MTMR4: variants seen among roughly 807,000 people sequenced by gnomAD.
MTMR4 encodes phosphatidylinositol-3,5-bisphosphate 3-phosphatase MTMR4.
Under a neutral mutation model 125.5 loss-of-function variants are expected in MTMR4, and 30 were observed. The observed-to-expected ratio is 0.24, with a 90% CI of 0.18 to 0.32. The LOEUF (loss-of-function observed/expected upper bound fraction) is 0.32. MTMR4 is among the 10% of genes least tolerant of loss of function. MTMR4 has a pLI of 1.00. For missense variants in MTMR4, 1,039 were observed against 1,511.5 expected (o/e 0.69, Z 5.18); for synonymous variants, 498 against 564.5 (o/e 0.88, Z 1.67).
Position 58,504,559 on chromosome 17 carries a change from G to A in MTMR4, c.1342-71C>T. 1.3e-6 allele frequency: 2 copies of A among 1,521,294 alleles called. No individual in the cohort carries two copies. The highest frequency in any genetic ancestry group is 1.8e-6 in the Non-Finnish European group (2 of 1,127,334). The allele number at this position is 1,521,294 out of a possible 1,614,324, so 94.2% of individuals were successfully genotyped here. On this transcript the variant is annotated intron_variant, in intron 11 of 17. Transcript: ENST00000682306. The surrounding 1 kb of genome is among the most constrained non-coding windows in gnomAD (Gnocchi z 7.1). ...CTGATGTGCTACTCCCCTGGGAACT[G>A]CCCAAAGCAGGAAGCTGGCAGCTTC...
chr17:58,507,842 T>A (rs1258833276), intron 7 of MTMR4: 1 of 240,830 alleles, frequency 4.2e-6, no homozygotes, highest in Non-Finnish European at 8.1e-6. Context: ...TATAATAGGC[T>A]ATAAGCCAGA....
In MTMR4 at chr17:58,512,274, C is replaced by A; in HGVS notation, c.252+116G>T. 1 of 898,054 alleles carries A rather than the reference C, an allele frequency of 1.1e-6. No homozygotes were observed. The highest frequency in any genetic ancestry group is 1.8e-5 in the Admixed American group (1 of 54,618). The allele number at this position is 898,054 out of a possible 1,614,324, so 55.6% of individuals were successfully genotyped here. Reference sequence around the variant, plus strand: ...GTGCTGGGATTACAGGCGTGAGCCACTGCGCCCGGCCTCCAACTTTTTTAA... The same window carrying A: ...GTGCTGGGATTACAGGCGTGAGCCAATGCGCCCGGCCTCCAACTTTTTTAA... On this transcript the variant is annotated intron_variant, in intron 3 of 17. Transcript: ENST00000682306. The surrounding 1 kb of genome is among the most constrained non-coding windows in gnomAD (Gnocchi z 4.1).
At chr17:58,514,673 G>A, upstream of MTMR4, 1 of 985,240 alleles carries the variant, frequency 1.0e-6, no homozygotes, top group South Asian at 4.7e-5. Context: ...ACCGCGGCGG[G>A]AAGGCGGAGG....
chr17:58,491,529 C>A lies in MTMR4; in HGVS notation c.*134G>T. The A allele has an allele frequency of 1.1e-6, 1 of 916,928 alleles. No individual in the cohort carries two copies. Among genetic ancestry groups the A allele is most frequent in the Non-Finnish European group, 1.6e-6 (1 of 618,778 alleles). The allele number at this position is 916,928 out of a possible 1,614,324, so 56.8% of individuals were successfully genotyped here. A position where few individuals can be genotyped will look rare whatever the true frequency, so the allele number is the denominator to read the frequency against. On this transcript the variant is annotated 3_prime_UTR_variant, in exon 18 of 18. Coordinates refer to ENST00000682306, the MANE Select transcript of MTMR4 (RefSeq NM_001378067.1). Reference sequence around the variant, plus strand: ...ATTCCTCTGCTCCAGTTTCATGATACCAAGGAGGATTTCTCAAGATGGTAT... The same window carrying A: ...ATTCCTCTGCTCCAGTTTCATGATAACAAGGAGGATTTCTCAAGATGGTAT...
At position 58,504,298 on chromosome 17, in the gene MTMR4, C is replaced by T. The variant is rs1176987545; in HGVS notation, c.1527+5G>A. The T allele has an allele frequency of 3.1e-6, 5 of 1,613,102 alleles. No individual in the cohort carries two copies. The highest frequency in any genetic ancestry group is 1.3e-5 in the African/African-American group (1 of 74,880). On this transcript the variant is annotated splice_donor_5th_base_variant and intron_variant, in intron 12 of 17. Coordinates refer to ENST00000682306, the MANE Select transcript of MTMR4 (RefSeq NM_001378067.1). The surrounding 1 kb of genome is among the most constrained non-coding windows in gnomAD (Gnocchi z 7.1). ...ATCCCTGTTGTCACAGGCCTTAGGACTTACCAGGAATGCTTCATTAAATTC... is the reference window on the plus strand; with the variant it reads ...ATCCCTGTTGTCACAGGCCTTAGGATTTACCAGGAATGCTTCATTAAATTC...
In MTMR4 at chr17:58,508,271, C is replaced by T. The variant is rs767933425; in HGVS notation, c.597G>A (p.Leu199=). 27 of 1,613,760 alleles carry T rather than the reference C, an allele frequency of 1.7e-5. No homozygotes were observed. The South Asian group carries it at 2.9e-4, about 17-fold the overall frequency. Residue 199 remains leucine, a synonymous_variant, in exon 7 of 18, where the codon TTG becomes TTA. Transcript: ENST00000682306. This position sits in a 1 kb window ranked among gnomAD's most constrained non-coding sequence, Gnocchi z 4.8. ...GCAGCTTCTGGGGGTAACTGGGGCA[C>T]AATCTGAGAAGAGACCAGGTGGGGG... is the stretch of plus-strand genomic sequence containing the variant. ...RVSHINSNYK[L]CPSYPQKLLV...
At chr17:58,509,276 C>A (rs749959450) in intron 4 of MTMR4, among the ~76,000 whole-genome samples, 1 of 151,486 alleles carries the variant, frequency 6.6e-6, no homozygotes, top group Non-Finnish European at 1.5e-5. Flanking sequence ...ATAATGTCTC[C>A]TCTCTGCCTA....
chr17:58,507,797 A>T (rs1401859010), intron 7 of MTMR4, among the ~76,000 whole-genome samples: 1 of 152,160 alleles, frequency 6.6e-6, no homozygotes, highest in South Asian at 2.1e-4. Context: ...CCCTTTAAAA[A>T]TGTAAAAACC....
Position 58,508,353 on chromosome 17 carries a change from G to T in MTMR4, c.594-79C>A. On this transcript the variant is annotated intron_variant, in intron 6 of 17. Transcript: ENST00000682306. The surrounding 1 kb of genome is among the most constrained non-coding windows in gnomAD (Gnocchi z 4.8). ...AGGATCCCTGGGGATGGCTTTGTGG[G>T]AAGAGAAACCATGAGCCTTCCTCCC... 1.3e-6 allele frequency: 2 copies of T among 1,551,806 alleles called. No homozygotes were observed. Among genetic ancestry groups the T allele is most frequent in the Non-Finnish European group, 1.8e-6 (2 of 1,123,902 alleles).
intron 7 of MTMR4, among the ~76,000 whole-genome samples, chr17:58,507,760 ATTC>A (rs1157140007): frequency 2.0e-5 from 3 of 152,152 alleles, no homozygotes; most frequent in Non-Finnish European, 4.4e-5. Flanking sequence ...TCTGTCATGT[ATTC>A]TTCTTTGCTT....
rs150734978 is a variant in MTMR4, at chr17:58,489,584, T to C, written c.*2079A>G. On this transcript the variant is annotated 3_prime_UTR_variant, in exon 18 of 18. Coordinates refer to ENST00000682306, the MANE Select transcript of MTMR4 (RefSeq NM_001378067.1). ...AACTGTATTGAATTTTTACAGCACATTGCATGTTTGTCACAACGCAACTGC... is the reference window on the plus strand; with the variant it reads ...AACTGTATTGAATTTTTACAGCACACTGCATGTTTGTCACAACGCAACTGC... 1 of 152,324 alleles carries C rather than the reference T, an allele frequency of 6.6e-6. No homozygotes were observed. The highest frequency in any genetic ancestry group is 2.4e-5 in the African/African-American group (1 of 41,574). 9.4% of individuals were successfully genotyped at this position (152,324 alleles called of 1,614,324 possible).
At chr17:58,491,891 C>A in intron 17 of MTMR4, 51 bp from the exon 18 acceptor site, 1 of 1,567,430 alleles carries the variant, frequency 6.4e-7, no homozygotes, top group South Asian at 1.2e-5. Context: ...AATATACTGG[C>A]CAGGCAGGGT....
At position 58,505,340 on chromosome 17, in the gene MTMR4, C is replaced by A. The variant is rs754161531; in HGVS notation, c.1145+132G>T. On this transcript the variant is annotated intron_variant, in intron 10 of 17. Coordinates refer to ENST00000682306, the MANE Select transcript of MTMR4 (RefSeq NM_001378067.1). ...TGGAAGGGTTCTTGGAACTAGCCCA[C>A]GGCACCCAACTCCACCCAGGCCCTC... 4 of 721,496 alleles carry A rather than the reference C, an allele frequency of 5.5e-6. No homozygotes were observed. The Admixed American group carries it at 7.4e-5, about 13-fold the overall frequency. 44.7% of individuals were successfully genotyped at this position (721,496 alleles called of 1,614,324 possible).
Position 58,491,507 on chromosome 17 carries a change from C to T in MTMR4, c.*156G>A, listed in dbSNP as rs896275958. On this transcript the variant is annotated 3_prime_UTR_variant, in exon 18 of 18. Transcript: ENST00000682306. ...GAGGACCTCCTGCTAAATTGCAATT[C>T]CTCTGCTCCAGTTTCATGATACCAA... 1.3e-6 allele frequency: 1 copy of T among 744,812 alleles called. No homozygotes were observed. Among genetic ancestry groups the T allele is most frequent in the Non-Finnish European group, 2.1e-6 (1 of 477,952 alleles). 46.1% of individuals were successfully genotyped at this position (744,812 alleles called of 1,614,324 possible).
At chr17:58,499,529 G>A (rs114519574) in intron 14 of MTMR4, among the ~76,000 whole-genome samples, 2 of 152,074 alleles carry the variant, frequency 1.3e-5, no homozygotes, top group South Asian at 2.1e-4. Context: ...GCAATGGAGC[G>A]AGAAAACCCT....
In MTMR4 at chr17:58,507,310, G is replaced by A; in HGVS notation, c.717C>T (p.Arg239=). The A allele has an allele frequency of 6.2e-7, 1 of 1,612,838 alleles. No individual in the cohort carries two copies. The highest frequency in any genetic ancestry group is 1.1e-5 in the South Asian group (1 of 91,074). Residue 239 remains arginine (R), a synonymous_variant, in exon 8 of 18, where the codon CGC becomes CGT. Coordinates refer to ENST00000682306, the MANE Select transcript of MTMR4 (RefSeq NM_001378067.1). ...TGCAGCGGGCGATGGCAGCCCCATT[G>A]CGCAAGTGTCTGACAAAACAGAAGA... is the stretch of plus-strand genomic sequence containing the variant. ...RIPVVVYRHL[R]NGAAIARCSQ... is the part of the protein sequence containing the mutation.
At position 58,503,787 on chromosome 17, in the gene MTMR4, G is replaced by A. The variant is rs539594201; in HGVS notation, c.1810C>T (p.Pro604Ser). The change falls in exon 14 of 18, where the codon CCA becomes TCA. Residue 604 changes from proline to serine, a missense_variant. Pro to Ser is a moderately conservative substitution (Grantham distance 74, BLOSUM62 -1). Coordinates refer to ENST00000682306, the MANE Select transcript of MTMR4 (RefSeq NM_001378067.1). ...GEENMDLYLSPVAQSQEFSGR... is the reference protein window; with the variant it reads ...GEENMDLYLSSVAQSQEFSGR... ...GAGAACTCCTGGCTCTGGGCCACTG[G>A]GGAAAGGTAAAGATCCATGTTTTCT... 6.2e-6 allele frequency: 10 copies of A among 1,614,142 alleles called. No individual in the cohort carries two copies. The East Asian group carries it at 1.6e-4, about 25-fold the overall frequency.
Position 58,507,365 on chromosome 17 carries a change from C to G in MTMR4, c.708-46G>C, listed in dbSNP as rs376967431. ...GTAATGCCCTTGGCATTCGAAGCCT[C>G]CAGAGGCCTACCTCAGGGGGTTAGA... is the stretch of plus-strand genomic sequence containing the variant. On this transcript the variant is annotated intron_variant, in intron 7 of 17. Transcript: ENST00000682306. The G allele has an allele frequency of 1.9e-6, 3 of 1,575,300 alleles. No individual in the cohort carries two copies. In the African/African-American group the frequency reaches 4.1e-5, roughly 21 times the overall value.
At chr17:58,511,719 C>T (rs1975937059) in intron 3 of MTMR4, among the ~76,000 whole-genome samples, 1 of 152,170 alleles carries the variant, frequency 6.6e-6, no homozygotes, top group Admixed American at 6.5e-5. Context: ...GTGCTTTCAG[C>T]CCATATTACG....
Sources: gnomAD v4.1 joint callset for allele counts (sites outside exome capture counted in the v4.1 genomes callset) on GRCh38, gnomAD v4.1.1 for gene constraint, Gnocchi (gnomAD v3.1) non-coding constraint, MANE v1.5 for transcripts, NCBI Gene and HGNC (gene_info 2026-07-23, HGNC 2026-07-21) for gene names.